GABRG1: variants seen among roughly 807,000 people sequenced by gnomAD.
The protein encoded by GABRG1 is gamma-aminobutyric acid receptor subunit gamma-1.
In GABRG1, 49 loss-of-function variants were observed where a neutral mutation model predicts 49.8. The observed-to-expected ratio is 0.98, with a 90% CI of 0.78 to 1.25. The LOEUF (loss-of-function observed/expected upper bound fraction) is 1.25, where lower values mean the gene tolerates loss of function less well. Ranked by LOEUF, GABRG1 falls within the 50% of genes most tolerant of loss-of-function variation. The pLI is 0.00. For missense variants in GABRG1, 552 were observed against 552.3 expected (o/e 1.00, Z 0.01); for synonymous variants, 232 against 185.1 (o/e 1.25, Z -2.06).
intron 1 of GABRG1, among the ~76,000 whole-genome samples, chr4:46,107,043 A>G (rs560186688): frequency 1.4e-4 from 21 of 151,484 alleles, no homozygotes; most frequent in African/African-American, 4.8e-4. Context: ...TGAAGCATTT[A>G]TCCTTTGAGT....
chr4:46,067,344 A>G (rs1376210756), intron 3 of GABRG1, among the ~76,000 whole-genome samples: 2 of 152,146 alleles, frequency 1.3e-5, no homozygotes, highest in Non-Finnish European at 2.9e-5. Flanking sequence ...AATAGGTACC[A>G]GAAACTATGT....
chr4:46,080,194 T>TA (rs988646080), intron 3 of GABRG1, among the ~76,000 whole-genome samples: 70 of 151,728 alleles, frequency 4.6e-4, no homozygotes, highest in African/African-American at 1.6e-3. Flanking sequence ...TTGGCTAACT[T>TA]AAAAAAAACT....
At chr4:46,109,794 T>C (rs1720663939) in intron 1 of GABRG1, among the ~76,000 whole-genome samples, 1 of 151,128 alleles carries the variant, frequency 6.6e-6, no homozygotes, top group African/African-American at 2.4e-5. Flanking sequence ...TGGGGCAAGT[T>C]GTTTAATTTC....
intron 8 of GABRG1, among the ~76,000 whole-genome samples, chr4:46,042,500 C>T (rs184635624): frequency 2.6e-5 from 4 of 151,958 alleles, no homozygotes; most frequent in African/African-American, 7.2e-5. Context: ...AAATATAGCG[C>T]CAATTTTATA....
chr4:46,053,771 A>G (rs1219608999), intron 7 of GABRG1, among the ~76,000 whole-genome samples: 2 of 152,054 alleles, frequency 1.3e-5, no homozygotes, highest in African/African-American at 2.4e-5. Context: ...AAAAAAACTA[A>G]GCAGAACTTT....
At chr4:46,119,506 A>G (rs1260842741) in intron 1 of GABRG1, among the ~76,000 whole-genome samples, 1 of 151,518 alleles carries the variant, frequency 6.6e-6, no homozygotes, top group African/African-American at 2.4e-5. Flanking sequence ...TGAGAGAATA[A>G]CAATATCGAG....
chr4:46,075,257 C>G (rs1010295033), intron 3 of GABRG1, among the ~76,000 whole-genome samples: 1 of 151,980 alleles, frequency 6.6e-6, no homozygotes, highest in African/African-American at 2.4e-5. Flanking sequence ...CTAGTAATCT[C>G]CAAACCTGGT....
rs150318016 is a variant in GABRG1 at position 46,116,043 on chromosome 4, C to T, written c.104+7767G>A. On this transcript the variant is annotated intron_variant, in intron 1 of 8. Coordinates refer to ENST00000295452, the MANE Select transcript of GABRG1 (RefSeq NM_173536.4). ...TTGATTTTTAATAAAAGAATAAATA[C>T]TACAAATAAAACAGTATAGCTTGCC... Among the ~76,000 whole-genome samples, 384 of 150,764 alleles carry T rather than the reference C, an allele frequency of 2.5e-3. 1 individual carries two copies. The highest frequency in any genetic ancestry group is 9.1e-3 in the African/African-American group (375 of 41,364).
chr4:46,090,343 A>G (rs1719933430), intron 2 of GABRG1, among the ~76,000 whole-genome samples: 1 of 152,198 alleles, frequency 6.6e-6, no homozygotes, highest in Non-Finnish European at 1.5e-5. Flanking sequence ...TGTACCTAAA[A>G]TGCAAAACTC....
At chr4:46,056,164 A>AAAAATAAATAAAT (rs1718434901) in intron 7 of GABRG1, among the ~76,000 whole-genome samples, 1 of 33,380 alleles carries the variant, frequency 3.0e-5, no homozygotes, top group African/African-American at 2.9e-4. Context: ...AAAAAAAAAA[A>AAAAATAAATAAAT]AAAAAAAAAA....
intron 5 of GABRG1, among the ~76,000 whole-genome samples, chr4:46,060,989 T>G (rs1216921702): frequency 6.6e-6 from 1 of 152,094 alleles, no homozygotes; most frequent in Non-Finnish European, 1.5e-5. Context: ...ACTGGACCCA[T>G]GTAGAGTGCC....
chr4:46,041,733 G>C (rs755979575), intron 8 of GABRG1, among the ~76,000 whole-genome samples: 2 of 151,944 alleles, frequency 1.3e-5, no homozygotes, highest in Non-Finnish European at 2.9e-5. Flanking sequence ...GTTTGTGATG[G>C]GTAAGCACAA....
intron 3 of GABRG1, among the ~76,000 whole-genome samples, chr4:46,083,348 C>A (rs1719641514): frequency 6.6e-6 from 1 of 151,658 alleles, no homozygotes; most frequent in Non-Finnish European, 1.5e-5. Flanking sequence ...ATCTTCTATA[C>A]TGCTATAAGA....
intron 3 of GABRG1, among the ~76,000 whole-genome samples, chr4:46,076,362 CATATATATATATATATATATATATAT>C (rs1203391424): frequency 5.1e-5 from 4 of 78,728 alleles, no homozygotes; most frequent in Admixed American, 4.8e-4. Context: ...AGGTCATGTT[CATATATATATATATATATATATATAT>C]ATATATATAT....
intron 8 of GABRG1, among the ~76,000 whole-genome samples, chr4:46,047,961 T>A (rs1039111557): frequency 2.0e-5 from 3 of 152,010 alleles, no homozygotes; most frequent in African/African-American, 7.2e-5. Context: ...TAATTTCACA[T>A]CTTAATAAAA....
At chr4:46,059,567 T>A (rs979722936) in intron 5 of GABRG1, among the ~76,000 whole-genome samples, 22 of 151,912 alleles carry the variant, frequency 1.4e-4, no homozygotes, top group South Asian at 4.1e-4. Context: ...CCCTTTTTTT[T>A]TAATTTTCTT....
At chr4:46,110,495 A>G (rs1720680317) in intron 1 of GABRG1, among the ~76,000 whole-genome samples, 1 of 151,004 alleles carries the variant, frequency 6.6e-6, no homozygotes, top group Non-Finnish European at 1.5e-5. Flanking sequence ...GTCCTCTCTA[A>G]CTAATTCTAA....
intron 7 of GABRG1, 127 bp from the exon 8 acceptor site, chr4:46,051,765 A>C (rs910528235): frequency 1.8e-6 from 1 of 569,678 alleles, no homozygotes; most frequent in African/African-American, 1.9e-5. Context: ...AGTAATTTAT[A>C]TTAATAATTA....
At chr4:46,053,673 A>T (rs1718324393) in intron 7 of GABRG1, among the ~76,000 whole-genome samples, 1 of 151,974 alleles carries the variant, frequency 6.6e-6, no homozygotes, top group Admixed American at 6.6e-5. Flanking sequence ...GAAAAATCTT[A>T]AATCCAATGT....
Sources: gnomAD v4.1 joint callset for allele counts (sites outside exome capture counted in the v4.1 genomes callset) on GRCh38, gnomAD v4.1.1 for gene constraint, MANE v1.5 for transcripts, NCBI Gene and HGNC (gene_info 2026-07-23, HGNC 2026-07-21) for gene names.